GPC5: variants seen among roughly 807,000 people sequenced by gnomAD.
The protein encoded by GPC5 is glypican-5.
In GPC5, 47 loss-of-function variants were observed where a neutral mutation model predicts 53.9. The observed-to-expected ratio is 0.87, with a 90% confidence interval of 0.69 to 1.11. The LOEUF is 1.11. Among genes scored for constraint, GPC5 ranks in the 50% most tolerant of loss-of-function variants. The pLI is 0.00. For missense variants in GPC5, 748 were observed against 713.1 expected, an observed-to-expected ratio of 1.05 and a Z score of -0.56; for synonymous variants, 286 against 263.3, an observed-to-expected ratio of 1.09 and a Z score of -0.84.
At chr13:92,115,650 C>A (rs186521644) in intron 6 of GPC5, among the ~76,000 whole-genome samples, 24 of 152,310 alleles carry the variant, frequency 1.6e-4, no homozygotes. Context: ...ATCCAGCAAG[C>A]AGCGTCTGGA....
chr13:91,700,209 G>A (rs890656773), intron 3 of GPC5, among the ~76,000 whole-genome samples: 31 of 152,276 alleles, frequency 2.0e-4, no homozygotes, highest in African/African-American at 7.5e-4. Flanking sequence ...ATTAGCAGTG[G>A]TGAGGGCTAA....
intron 6 of GPC5, among the ~76,000 whole-genome samples, chr13:91,942,724 ATG>A (rs372522759): frequency 2.0e-5 from 3 of 151,690 alleles, no homozygotes; most frequent in African/African-American, 7.3e-5. Context: ...AATGTTTTGT[ATG>A]TGTGTGTGTG....
At position 91,688,688 on chromosome 13, in the gene GPC5, TATAAC is replaced by T. The variant is rs141391025; in HGVS notation, c.326-4497_326-4493del. Among the ~76,000 whole-genome samples the T allele has an allele frequency of 6.8e-3, 1,034 of 152,230 alleles. 14 individuals carry two copies. The highest frequency in any genetic ancestry group is 0.024 in the African/African-American group (1,002 of 41,550). On this transcript the variant is annotated intron_variant, in intron 2 of 7. Transcript: ENST00000377067. ...TTAGACAATTTCGCCATTGTGCAAATATAACAGACTATACTTACACAGATCTAGAC... is the reference window on the plus strand; with the variant it reads ...TTAGACAATTTCGCCATTGTGCAAATAGACTATACTTACACAGATCTAGAC...
intron 5 of GPC5, among the ~76,000 whole-genome samples, chr13:91,897,411 G>C (rs2039454549): frequency 6.6e-6 from 1 of 150,648 alleles, no homozygotes; most frequent in Non-Finnish European, 1.5e-5. Context: ...AATTTATTTA[G>C]TCCTTATGTT....
Position 91,744,597 on chromosome 13 carries a change from G to A in GPC5, c.1155-11698G>A, listed in dbSNP as rs568287745. Among the ~76,000 whole-genome samples, 500 of 152,156 alleles carry A rather than the reference G, an allele frequency of 3.3e-3. 3 individuals carry two copies. The highest frequency in any genetic ancestry group is 0.011 in the African/African-American group (474 of 41,536). On this transcript the variant is annotated intron_variant, in intron 4 of 7. Coordinates refer to ENST00000377067, the MANE Select transcript of GPC5 (RefSeq NM_004466.6). ...TAAACAGGAATATCTGATTGTAATT[G>A]CAAAATGCAAAAGATAAAAGAAGGA... is the stretch of plus-strand genomic sequence containing the variant.
chr13:92,763,930 G>A (rs544052680), intron 7 of GPC5, among the ~76,000 whole-genome samples: 2 of 152,244 alleles, frequency 1.3e-5, no homozygotes, highest in Admixed American at 6.5e-5. Flanking sequence ...CTCCGTAGTA[G>A]TGACTCTGGC....
intron 5 of GPC5, among the ~76,000 whole-genome samples, chr13:91,837,674 A>G (rs2038737139): frequency 6.6e-6 from 1 of 152,194 alleles, no homozygotes; most frequent in African/African-American, 2.4e-5. Context: ...CAACATGTCT[A>G]AATCTATTAC....
At chr13:92,484,329 ATTTTTG>A (rs1017911242) in intron 7 of GPC5, among the ~76,000 whole-genome samples, 18 of 152,130 alleles carry the variant, frequency 1.2e-4, no homozygotes, top group South Asian at 6.2e-4. Flanking sequence ...TTTACAGTTA[ATTTTTG>A]TTTTTTAATA....
intron 3 of GPC5, among the ~76,000 whole-genome samples, chr13:91,719,850 T>C: frequency 6.6e-6 from 1 of 152,206 alleles, no homozygotes; most frequent in African/African-American, 2.4e-5. Flanking sequence ...TTCTCTTATT[T>C]CTCTCTTTAC....
chr13:91,637,880 A>G (rs140652888), intron 2 of GPC5, among the ~76,000 whole-genome samples: 1 of 152,346 alleles, frequency 6.6e-6, no homozygotes, highest in African/African-American at 2.4e-5. Context: ...CTCATTCTTC[A>G]AGAACTCCTC....
At chr13:92,498,319 C>A (rs1880053172) in intron 7 of GPC5, among the ~76,000 whole-genome samples, 1 of 152,094 alleles carries the variant, frequency 6.6e-6, no homozygotes, top group Admixed American at 6.5e-5. Flanking sequence ...GGAGGGGCCA[C>A]ATGTGCCATA....
intron 6 of GPC5, among the ~76,000 whole-genome samples, chr13:92,058,981 C>T (rs1025153039): frequency 2.6e-5 from 4 of 152,168 alleles, no homozygotes; most frequent in African/African-American, 9.7e-5. Flanking sequence ...ATTATCTTAC[C>T]TCTCTTCATT....
chr13:91,400,594 C>T (rs559579112), intron 1 of GPC5, among the ~76,000 whole-genome samples: 12 of 152,132 alleles, frequency 7.9e-5, no homozygotes, highest in African/African-American at 2.9e-4. Flanking sequence ...TGAGTTTGTG[C>T]GTGTGGGTGG....
intron 7 of GPC5, among the ~76,000 whole-genome samples, chr13:92,485,030 CT>C (rs1462381280): frequency 1.3e-5 from 2 of 152,116 alleles, no homozygotes; most frequent in African/African-American, 2.4e-5. Context: ...GCCACTGCCC[CT>C]GGCCTTGAAT....
chr13:91,553,337 A>G (rs1253051274), intron 2 of GPC5, among the ~76,000 whole-genome samples: 1 of 118,790 alleles, frequency 8.4e-6, no homozygotes, highest in Non-Finnish European at 1.8e-5. Context: ...GAAGGCAGAA[A>G]TAGCATAACT....
chr13:92,548,423 T>C (rs1434057601), intron 7 of GPC5, among the ~76,000 whole-genome samples: 1 of 151,364 alleles, frequency 6.6e-6, no homozygotes, highest in African/African-American at 2.4e-5. Flanking sequence ...ACAAATTATG[T>C]TTTTAAATAT....
intron 6 of GPC5, among the ~76,000 whole-genome samples, chr13:92,079,669 GTAATCA>G (rs1392225925): frequency 6.6e-6 from 1 of 152,124 alleles, no homozygotes; most frequent in African/African-American, 2.4e-5. Context: ...ATTCTCCCAG[GTAATCA>G]TCTCTTGCTG....
chr13:92,379,909 G>A (rs2043725621), intron 7 of GPC5, among the ~76,000 whole-genome samples: 1 of 152,152 alleles, frequency 6.6e-6, no homozygotes, highest in Non-Finnish European at 1.5e-5. Flanking sequence ...CACCTGATTA[G>A]TAGCAGGTAC....
intron 7 of GPC5, among the ~76,000 whole-genome samples, chr13:92,793,257 A>C (rs1296393048): frequency 6.6e-6 from 1 of 152,214 alleles, no homozygotes; most frequent in African/African-American, 2.4e-5. Context: ...AACTGCATGG[A>C]AACTGAACCA....
Sources: gnomAD v4.1 joint callset for allele counts (sites outside exome capture counted in the v4.1 genomes callset) on GRCh38, gnomAD v4.1.1 for gene constraint, MANE v1.5 for transcripts, NCBI Gene and HGNC (gene_info 2026-07-23, HGNC 2026-07-21) for gene names.